Variants in IL17RA observed in about 807,000 individuals in gnomAD.
IL17RA encodes the protein interleukin 17 receptor A.
In IL17RA, 34 loss-of-function variants were observed where a neutral mutation model predicts 50.4. That is an observed-to-expected ratio of 0.67 (90% confidence interval 0.51 to 0.90). The LOEUF is 0.90. Among genes scored for constraint, IL17RA ranks in the 40% least tolerant of loss-of-function variants. The probability of loss-of-function intolerance (pLI) is 0.00; values close to 1 mark genes in which losing one functional copy is unlikely to be tolerated. For missense variants in IL17RA, 1,276 were observed against 1,169.8 expected, an observed-to-expected ratio of 1.09 and a Z score of -1.32; for synonymous variants, 585 against 510.4, an observed-to-expected ratio of 1.15 and a Z score of -1.97.
chr22:17,093,307 G>A (rs1601337754), intron 1 of IL17RA, among the ~76,000 whole-genome samples: 2 of 152,332 alleles, frequency 1.3e-5, no homozygotes, highest in African/African-American at 2.4e-5. Context: ...GCTGAAATCT[G>A]GAGGTGTTTT....
rs1167393970 is a variant in IL17RA at position 17,097,900 on chromosome 22, C to T, written c.267C>T (p.Asp89=). ...QLHFAHTQQG[D]LFPVAHIEWT... ...ACTTTGCCCACACCCAACAAGGAGA[C>T]CTGTTCCCCGTGGCTCACATCGAAT... is the stretch of plus-strand genomic sequence containing the variant. Residue 89 remains aspartate (D), a synonymous_variant, in exon 3 of 13, where the codon GAC becomes GAT. Coordinates refer to ENST00000319363, the MANE Select transcript of IL17RA (RefSeq NM_014339.7). The T allele has an allele frequency of 1.9e-6, 3 of 1,614,092 alleles. No homozygotes were observed. The African/African-American group carries it at 4.0e-5, about 22-fold the overall frequency.
intron 3 of IL17RA, 89 bp downstream of exon 3, chr22:17,098,032 T>C (rs2061374670): frequency 2.0e-6 from 3 of 1,514,078 alleles, no homozygotes; most frequent in Non-Finnish European, 1.8e-6. Flanking sequence ...CTCCCAGTCC[T>C]GTGCTCAGAC....
intron 2 of IL17RA, 113 bp from the exon 3 acceptor site, chr22:17,097,682 GCT>G: frequency 7.6e-7 from 1 of 1,310,982 alleles, no homozygotes; most frequent in South Asian, 1.2e-5. Flanking sequence ...AGGGCCACAG[GCT>G]GGAAGGCCGC....
At chr22:17,094,791 T>C (rs2061363334) in intron 1 of IL17RA, among the ~76,000 whole-genome samples, 2 of 147,432 alleles carry the variant, frequency 1.4e-5, no homozygotes, top group Non-Finnish European at 3.0e-5. Context: ...TTGAAACTTA[T>C]TTTCCTCTCT....
At chr22:17,105,752 G>A in intron 10 of IL17RA, 101 bp from the exon 11 acceptor site, 1 of 1,397,264 alleles carries the variant, frequency 7.2e-7, no homozygotes, top group Non-Finnish European at 1.0e-6. Context: ...TCGTGGTGGG[G>A]CCAGAGAGGA....
chr22:17,095,540 G>T (rs2061365558), intron 1 of IL17RA, among the ~76,000 whole-genome samples: 1 of 152,150 alleles, frequency 6.6e-6, no homozygotes, highest in African/African-American at 2.4e-5. Context: ...TACTCCAAAT[G>T]ATGTATCTGT....
At chr22:17,094,026 C>T (rs1185402784) in intron 1 of IL17RA, 1 of 110,312 alleles carries the variant, frequency 9.1e-6, no homozygotes, top group East Asian at 2.4e-4. Context: ...CTCTGTCGCC[C>T]AGGATAGAGT....
At chr22:17,098,640 A>G in intron 3 of IL17RA, 135 bp from the exon 4 acceptor site, 2 of 726,674 alleles carry the variant, frequency 2.8e-6, no homozygotes, top group South Asian at 3.0e-5. Context: ...TGAAAGGAAC[A>G]GGATGTGGAG....
rs566514049 is a variant in IL17RA, at chr22:17,106,828, C to T, written c.1045+874C>T. Among the ~76,000 whole-genome samples, 11 of 152,178 alleles carry T rather than the reference C, an allele frequency of 7.2e-5. No homozygotes were observed. The East Asian group carries it at 7.7e-4, about 11-fold the overall frequency. On this transcript the variant is annotated intron_variant, in intron 11 of 12. Coordinates refer to ENST00000319363, the MANE Select transcript of IL17RA (RefSeq NM_014339.7). ...AGCATCTCGGCCAGTGCTCCACAGG[C>T]GGTGCAGCTCTCTAAAGGTTTGGGG...
In IL17RA at chr22:17,105,910, G is replaced by T; in HGVS notation, c.1001G>T (p.Gly334Val). 6.2e-7 allele frequency: 1 copy of T among 1,614,184 alleles called. No homozygotes were observed. Among genetic ancestry groups the T allele is most frequent in the Non-Finnish European group, 8.5e-7 (1 of 1,180,034 alleles). ...ACGGGCATCTCCATCCTGCTGGTGG[G>T]CTCCGTCATCCTGCTCATCGTCTGC... is the stretch of plus-strand genomic sequence containing the variant. ...FITGISILLV[G>V]SVILLIVCMT... The change falls in exon 11 of 13, where the codon GGC becomes GTC. Residue 334 changes from glycine (G) to valine (V), a missense_variant. Transcript: ENST00000319363.
At position 17,109,219 on chromosome 22, in the gene IL17RA, C is replaced by T. The variant is rs748566718; in HGVS notation, c.2000C>T (p.Thr667Ile). 5 of 1,497,694 alleles carry T rather than the reference C, an allele frequency of 3.3e-6. No individual in the cohort carries two copies. In the South Asian group the frequency reaches 5.2e-5, roughly 16 times the overall value. The allele number at this position is 1,497,694 out of a possible 1,614,324, so 92.8% of individuals were successfully genotyped here. Residue 667 changes from threonine (T) to isoleucine (I), a missense_variant, in exon 13 of 13, where the codon ACC (threonine) becomes ATC (isoleucine). Physicochemically the swap from Thr to Ile is moderately conservative, Grantham distance 89. Coordinates refer to ENST00000319363, the MANE Select transcript of IL17RA (RefSeq NM_014339.7). ...CAGCCAGCGCCGCAGCCCCTCCACA[C>T]CCTGGTGCTCGCCGCAGAGGAGGGG... is the stretch of plus-strand genomic sequence containing the variant. ...RGQPAPQPLH[T>I]LVLAAEEGAL...
chr22:17,094,652 A>ACTCTCTCTCTCTCTCTCTCT (rs1307011752), intron 1 of IL17RA, among the ~76,000 whole-genome samples: 1 of 17,762 alleles, frequency 5.6e-5, no homozygotes, highest in Admixed American at 4.1e-4. Context: ...TTAGTCATAC[A>ACTCTCTCTCTCTCTCTCTCT]CACACTCTCT....
rs756664595 is a variant in IL17RA, at chr22:17,097,799, A to G, written c.166A>G (p.Thr56Ala). 9.9e-6 allele frequency: 16 copies of G among 1,614,056 alleles called. No individual in the cohort carries two copies. Among genetic ancestry groups the G allele is most frequent in the Non-Finnish European group, 1.4e-5 (16 of 1,180,046 alleles). The part of the protein sequence containing the change: ...PGLNCTVKNS[T>A]CLDDSWIHPR... The stretch of plus-strand genomic sequence containing the variant: ...TGTTGCTTTTCCCTGGCTGCCAGGT[A>G]CCTGCCTGGATGACAGCTGGATTCA... Residue 56 changes from threonine to alanine, a missense_variant and splice_region_variant, in exon 3 of 13, where the codon ACC (threonine) becomes GCC (alanine). Thr to Ala is a moderately conservative substitution (Grantham distance 58, BLOSUM62 0). Transcript: ENST00000319363.
chr22:17,106,896 CT>C (rs1465854827), intron 11 of IL17RA, among the ~76,000 whole-genome samples: 2 of 152,182 alleles, frequency 1.3e-5, no homozygotes, highest in Non-Finnish European at 1.5e-5. Context: ...TGCTGTTGCG[CT>C]TCTGTTTTCC....
chr22:17,090,424 T>G (rs1361227783), intron 1 of IL17RA, among the ~76,000 whole-genome samples: 1 of 152,260 alleles, frequency 6.6e-6, no homozygotes, highest in African/African-American at 2.4e-5. Flanking sequence ...CATTACATCA[T>G]AGATAAACTT....
rs371342533 is a variant in IL17RA, at chr22:17,102,006, C to T, written c.561C>T (p.His187=). Residue 187 remains histidine, a synonymous_variant, in exon 6 of 13, where the codon CAC becomes CAT. Transcript: ENST00000319363. ...TTTCTGGGTCGACAGACTGTGAGCA[C>T]GCCAGGATGAAGGTAACCACGCCAT... ...SKNFLVPDCE[H]ARMKVTTPCM... 7.1e-5 allele frequency: 115 copies of T among 1,614,226 alleles called. No individual in the cohort carries two copies. Among genetic ancestry groups the T allele is most frequent in the Middle Eastern group, 4.9e-4 (3 of 6,062 alleles).
chr22:17,097,733 G>A (rs2061373325), intron 2 of IL17RA, 64 bp from the exon 3 acceptor site: 1 of 1,601,850 alleles, frequency 6.2e-7, no homozygotes, highest in African/African-American at 1.3e-5. Context: ...GTCTGTACCT[G>A]CTGCTGGGGC....
At position 17,114,255 on chromosome 22, in the gene IL17RA, A is replaced by G. The variant is rs527983480; in HGVS notation, c.*4435A>G. 6 of 152,664 alleles carry G rather than the reference A, an allele frequency of 3.9e-5. No individual in the cohort carries two copies. The highest frequency in any genetic ancestry group is 1.4e-4 in the African/African-American group (6 of 41,574). 9.5% of individuals were successfully genotyped at this position (152,664 alleles called of 1,614,324 possible). ...CTCCCCTCACTCTGAAATGGCATCC[A>G]GGTCCATCTTGCCCTCCACCTCTGC... On this transcript the variant is annotated 3_prime_UTR_variant, in exon 13 of 13. Coordinates refer to ENST00000319363, the MANE Select transcript of IL17RA (RefSeq NM_014339.7).
Position 17,097,840 on chromosome 22 carries a change from C to T in IL17RA, c.207C>T (p.Thr69=), listed in dbSNP as rs1450771800. 2 of 1,614,188 alleles carry T rather than the reference C, an allele frequency of 1.2e-6. No individual in the cohort carries two copies. The highest frequency in any genetic ancestry group is 1.7e-6 in the Non-Finnish European group (2 of 1,180,036). The part of the protein sequence containing the change: ...DDSWIHPRNL[T]PSSPKDLQIQ... ...GCTGGATTCACCCTCGAAACCTGAC[C>T]CCCTCCTCCCCAAAGGACCTGCAGA... Residue 69 remains threonine, a synonymous_variant, in exon 3 of 13, where the codon ACC becomes ACT. Coordinates refer to ENST00000319363, the MANE Select transcript of IL17RA (RefSeq NM_014339.7).
Sources: allele counts gnomAD v4.1 joint callset (sites outside exome capture counted in the v4.1 genomes callset), GRCh38; gene constraint gnomAD v4.1.1; transcripts MANE v1.5; gene names NCBI Gene and HGNC (gene_info 2026-07-23, HGNC 2026-07-21).